Variants in ALLC observed in about 807,000 individuals in gnomAD.
ALLC encodes probable inactive allantoicase.
Under a neutral mutation model 45.0 loss-of-function variants are expected in ALLC, and 40 were observed. That is an observed-to-expected ratio of 0.89 (90% CI 0.69 to 1.16). The LOEUF (loss-of-function observed/expected upper bound fraction) is 1.16. Ranked by LOEUF, ALLC falls within the 50% of genes most tolerant of loss-of-function variation. ALLC has a pLI of 0.00. For synonymous variants in ALLC, 176 were observed against 178.1 expected (o/e 0.99, Z 0.09); for missense variants, 488 against 493.1 (o/e 0.99, Z 0.10).
intron 3 of ALLC, 24 bp downstream of exon 3, chr2:3,674,149 A>G: frequency 6.6e-7 from 1 of 1,518,170 alleles, no homozygotes; most frequent in Non-Finnish European, 9.0e-7. Flanking sequence ...ACATTCTGCA[A>G]TGTAAAGGGT....
At chr2:3,651,044 T>A in the ALLC span, among the ~76,000 whole-genome samples, 1 of 152,020 alleles carries the variant, frequency 6.6e-6, no homozygotes. Flanking sequence ...AGCCGGGATT[T>A]ATTAGGTGCT....
chr2:3,699,999 A>C (rs1007846923), intron 10 of ALLC, among the ~76,000 whole-genome samples: 8 of 152,290 alleles, frequency 5.3e-5, no homozygotes, highest in Admixed American at 5.2e-4. Context: ...TCTTTAGTTT[A>C]ATTAGATCCC....
intron 3 of ALLC, among the ~76,000 whole-genome samples, chr2:3,675,493 T>A (rs928901860): frequency 6.6e-6 from 1 of 151,460 alleles, no homozygotes; most frequent in Non-Finnish European, 1.5e-5. Context: ...CATCAAACAG[T>A]GAGATGTGAT....
rs1666573293 is a variant in ALLC, at chr2:3,661,398, T to C, written c.-63+3104T>C. 2.6e-5 allele frequency among the ~76,000 whole-genome samples: 4 copies of C among 152,204 alleles called. No individual in the cohort carries two copies. In the South Asian group the frequency reaches 8.3e-4, roughly 32 times the overall value. ...AGCAGGGGTTCAGGGAAGGCTTTAATTAAGCTTGGCCTGTGGGGGCTGCTG... is the reference window on the plus strand; with the variant it reads ...AGCAGGGGTTCAGGGAAGGCTTTAACTAAGCTTGGCCTGTGGGGGCTGCTG... On this transcript the variant is annotated intron_variant, in intron 1 of 11. Coordinates refer to ENST00000252505, the MANE Select transcript of ALLC (RefSeq NM_018436.4).
At chr2:3,684,709 GT>G (rs1667280296) in intron 7 of ALLC, among the ~76,000 whole-genome samples, 2 of 152,022 alleles carry the variant, frequency 1.3e-5, no homozygotes, top group Admixed American at 1.3e-4. Flanking sequence ...CTCCATCCAG[GT>G]TGCTGTGAAT....
chr2:3,656,078 C>G (rs1160363153), upstream of ALLC, among the ~76,000 whole-genome samples: 2 of 152,256 alleles, frequency 1.3e-5, no homozygotes, highest in Non-Finnish European at 2.9e-5. Flanking sequence ...CAGGTCCCCA[C>G]CTAGTGAGCG....
intron 2 of ALLC, among the ~76,000 whole-genome samples, chr2:3,671,515 CTGGT>C (rs1489216061): frequency 3.3e-5 from 5 of 150,704 alleles, no homozygotes; most frequent in African/African-American, 4.9e-5. Context: ...TCCTCTGGCT[CTGGT>C]TAGATAGGAG....
chr2:3,698,279 G>A (rs1181707309), intron 10 of ALLC, among the ~76,000 whole-genome samples: 1 of 152,112 alleles, frequency 6.6e-6, no homozygotes, highest in Non-Finnish European at 1.5e-5. Context: ...TTGAACTTTA[G>A]TAACTCCTCT....
the ALLC span, among the ~76,000 whole-genome samples, chr2:3,647,404 T>C: frequency 0.58 from 88,404 of 151,744 alleles, 27,801 homozygotes; most frequent in South Asian, 0.73. Context: ...CAACCTGTCT[T>C]GGGGCAATTC....
At chr2:3,657,215 G>A (rs189808988), upstream of ALLC, among the ~76,000 whole-genome samples, 107 of 151,074 alleles carry the variant, frequency 7.1e-4, no homozygotes, top group African/African-American at 2.5e-3. Context: ...GCTGGGTGGC[G>A]GGGCTGAGAG....
At chr2:3,647,415 C>T in the ALLC span, among the ~76,000 whole-genome samples, 1 of 152,098 alleles carries the variant, frequency 6.6e-6, no homozygotes, top group Non-Finnish European at 1.5e-5. Context: ...GGGGCAATTC[C>T]CATGCTGCCC....
chr2:3,650,828 G>A, the ALLC span, among the ~76,000 whole-genome samples: 21 of 152,324 alleles, frequency 1.4e-4, no homozygotes, highest in African/African-American at 4.6e-4. Context: ...CAGTGAAGGC[G>A]CACGGGGCCT....
intron 1 of ALLC, among the ~76,000 whole-genome samples, chr2:3,667,282 G>A (rs963418962): frequency 3.3e-5 from 5 of 152,226 alleles, no homozygotes; most frequent in East Asian, 1.9e-4. Context: ...TCACCACCTC[G>A]TCTGTCCCCT....
intron 1 of ALLC, among the ~76,000 whole-genome samples, chr2:3,661,355 A>C (rs545725399): frequency 5.9e-5 from 9 of 152,330 alleles, no homozygotes; most frequent in Non-Finnish European, 1.0e-4. Flanking sequence ...CTGCTGGGTC[A>C]TTGGCAGAAA....
chr2:3,669,519 G>A (rs550541415), intron 1 of ALLC, among the ~76,000 whole-genome samples: 4 of 151,644 alleles, frequency 2.6e-5, no homozygotes, highest in Non-Finnish European at 5.9e-5. Context: ...GTGGTGGCAG[G>A]CACCTGTAAT....
intron 3 of ALLC, among the ~76,000 whole-genome samples, chr2:3,676,339 G>A (rs1472054590): frequency 1.3e-5 from 2 of 152,210 alleles, no homozygotes; most frequent in African/African-American, 2.4e-5. Flanking sequence ...CTGGGGTGCA[G>A]TGGCACGGTC....
the ALLC span, among the ~76,000 whole-genome samples, chr2:3,647,009 G>C: frequency 6.6e-6 from 1 of 152,044 alleles, no homozygotes; most frequent in Admixed American, 6.5e-5. Context: ...CTCACAGGCT[G>C]TGCCCTGCTG....
rs767351165 is a variant in ALLC at position 3,679,825 on chromosome 2, G to A, written c.173-44G>A. On this transcript the variant is annotated intron_variant, in intron 4 of 11. Transcript: ENST00000252505. ...CACTGCCTCGCATGCAGCATCTGCT[G>A]TGTTGGCCCTAACGAGACTGCTCTT... The A allele has an allele frequency of 6.8e-6, 11 of 1,610,042 alleles. No individual in the cohort carries two copies. The East Asian group carries it at 2.0e-4, about 29-fold the overall frequency.
Position 3,695,816 on chromosome 2 carries a change from G to A in ALLC, c.611G>A (p.Gly204Glu), listed in dbSNP as rs532633577. 2 of 1,613,906 alleles carry A rather than the reference G, an allele frequency of 1.2e-6. No individual in the cohort carries two copies. The highest frequency in any genetic ancestry group is 1.7e-6 in the Non-Finnish European group (2 of 1,179,854). ...GCAGACCTAGTGGCCATCGCTTTTG[G>A]GGGTGTCTGTGTAGGATTTAGTAAT... ...EPADLVAIAF[G>E]GVCVGFSNAK... is the part of the protein sequence containing the mutation. The change falls in exon 8 of 12, where the codon GGG becomes GAG. Residue 204 changes from glycine to glutamate, a missense_variant. Gly to Glu is a moderately conservative substitution (Grantham distance 98). Transcript: ENST00000252505.
Sources: gnomAD v4.1 joint callset for allele counts (sites outside exome capture counted in the v4.1 genomes callset) on GRCh38, gnomAD v4.1.1 for gene constraint, MANE v1.5 for transcripts, NCBI Gene and HGNC (gene_info 2026-07-23, HGNC 2026-07-21) for gene names.